Variants in MYO10 observed in about 807,000 individuals in gnomAD.
MYO10 encodes the protein myosin X.
In MYO10, 133 loss-of-function variants were observed where a neutral mutation model predicts 257.3. That is an observed-to-expected ratio of 0.52 (90% CI 0.45 to 0.60). The LOEUF (loss-of-function observed/expected upper bound fraction) is 0.60, where lower values mean the gene tolerates loss of function less well. Ranked by LOEUF, MYO10 falls within the 20% of genes least tolerant of loss-of-function variation. MYO10 has a pLI of 0.00. For missense variants in MYO10, 2,399 were observed against 2,635.7 expected, an observed-to-expected ratio of 0.91 and a Z score of 1.97; for synonymous variants, 1,104 against 1,028.6, an observed-to-expected ratio of 1.07 and a Z score of -1.40.
intron 2 of MYO10, among the ~76,000 whole-genome samples, chr5:16,869,186 G>C (rs901900417): frequency 1.4e-5 from 2 of 137,952 alleles, no homozygotes; most frequent in Admixed American, 7.8e-5. Flanking sequence ...CACCACACCC[G>C]GCTAATTTTT....
At chr5:16,788,206 A>AG (rs1741649116) in intron 4 of MYO10, among the ~76,000 whole-genome samples, 1 of 152,042 alleles carries the variant, frequency 6.6e-6, no homozygotes, top group East Asian at 1.9e-4. Flanking sequence ...ATGAAGTGAG[A>AG]GGCCCAAGAA....
In MYO10 at chr5:16,783,457, C is replaced by T; in HGVS notation, c.480G>A (p.Gly160=). 1.2e-6 allele frequency: 2 copies of T among 1,609,318 alleles called. No homozygotes were observed. Among genetic ancestry groups the T allele is most frequent in the Non-Finnish European group, 1.7e-6 (2 of 1,178,534 alleles). Residue 160 remains glycine (G), a synonymous_variant, in exon 5 of 41, where the codon GGG becomes GGA. Transcript: ENST00000513610. ...NQCILISGES[G]AGKTESTKLI... ...ATTTAGTGCTTTCGGTTTTACCTGC[C>T]CCACTTTCACCACTGAAAGACAAAA... is the stretch of plus-strand genomic sequence containing the variant.
intron 19 of MYO10, among the ~76,000 whole-genome samples, chr5:16,730,692 A>T (rs1392589362): frequency 3.3e-5 from 5 of 152,236 alleles, no homozygotes; most frequent in Non-Finnish European, 7.3e-5. Flanking sequence ...ACAGAGACCC[A>T]GGTTCCCTGG....
chr5:16,874,938 G>A lies in MYO10; in HGVS notation c.120+2671C>T, dbSNP rs765759814. Reference sequence around the variant, plus strand: ...GCTTGGGAGGCCTCAGAATCATGGCGGGAGGCAAAAGGAACTTCTTACGTG... The same window carrying A: ...GCTTGGGAGGCCTCAGAATCATGGCAGGAGGCAAAAGGAACTTCTTACGTG... On this transcript the variant is annotated intron_variant, in intron 2 of 40. Transcript: ENST00000513610. Among the ~76,000 whole-genome samples the A allele has an allele frequency of 9.9e-5, 15 of 152,262 alleles. 1 individual carries two copies. The highest frequency in any genetic ancestry group is 5.9e-4 in the Admixed American group (9 of 15,292).
intron 27 of MYO10, among the ~76,000 whole-genome samples, chr5:16,692,102 C>A (rs959543369): frequency 2.0e-5 from 3 of 152,154 alleles, no homozygotes; most frequent in African/African-American, 7.2e-5. Flanking sequence ...CCCAAACCAA[C>A]AAGAACACTA....
chr5:16,834,258 T>C (rs896113712), intron 2 of MYO10, among the ~76,000 whole-genome samples: 1 of 152,136 alleles, frequency 6.6e-6, no homozygotes, highest in Non-Finnish European at 1.5e-5. Flanking sequence ...TATTGTAACC[T>C]CGGTTTTCTT....
chr5:16,840,001 G>A (rs78022001), intron 2 of MYO10, among the ~76,000 whole-genome samples: 2 of 152,298 alleles, frequency 1.3e-5, no homozygotes, highest in East Asian at 3.9e-4. Flanking sequence ...GGAAGAAAGT[G>A]AGAGTCTAGA....
Position 16,694,166 on chromosome 5 carries a change from T to C in MYO10, c.3800+205A>G, listed in dbSNP as rs532832357. 7.2e-5 allele frequency among the ~76,000 whole-genome samples: 11 copies of C among 152,348 alleles called. No individual in the cohort carries two copies. In the East Asian group the frequency reaches 1.9e-3, roughly 27 times the overall value. ...GGCCATCTTCCAAATGACAGCCACA[T>C]GTCTGAGTGTAATCACAAAAAGCAA... On this transcript the variant is annotated intron_variant, in intron 27 of 40. Transcript: ENST00000513610.
chr5:16,706,328 G>A (rs1447335014), intron 21 of MYO10, among the ~76,000 whole-genome samples: 1 of 151,916 alleles, frequency 6.6e-6, no homozygotes, highest in Non-Finnish European at 1.5e-5. Context: ...CACACACTCT[G>A]TTGGTGCAGA....
At position 16,809,874 on chromosome 5, in the gene MYO10, C is replaced by T. The variant is rs145155704; in HGVS notation, c.279+8135G>A. On this transcript the variant is annotated intron_variant, in intron 3 of 40. Transcript: ENST00000513610. The stretch of plus-strand genomic sequence containing the variant: ...GCTTCCTCTGGAGCCAGCCTCAACA[C>T]CATAATTGCAGGCGACCGCTGAAGT... Among the ~76,000 whole-genome samples the T allele has an allele frequency of 1.9e-3, 296 of 152,238 alleles. 1 individual carries two copies. Among genetic ancestry groups the T allele is most frequent in the Admixed American group, 3.9e-3 (60 of 15,278 alleles).
intron 2 of MYO10, among the ~76,000 whole-genome samples, chr5:16,865,063 C>A (rs1482412412): frequency 1.3e-5 from 2 of 152,120 alleles, no homozygotes; most frequent in Admixed American, 1.3e-4. Flanking sequence ...AATTGAAGAG[C>A]TTCCCAGCTC....
intron 19 of MYO10, among the ~76,000 whole-genome samples, chr5:16,726,779 A>C (rs1390169037): frequency 6.6e-6 from 1 of 152,224 alleles, no homozygotes; most frequent in African/African-American, 2.4e-5. Context: ...ACTTCTGAGC[A>C]TTAAAACCCA....
At chr5:16,924,893 C>T (rs1458868199) in intron 1 of MYO10, among the ~76,000 whole-genome samples, 2 of 148,000 alleles carry the variant, frequency 1.4e-5, no homozygotes, top group East Asian at 2.0e-4. Flanking sequence ...TGCAGTGGCA[C>T]GATCTCTGCT....
At chr5:16,699,164 T>G (rs1737907273) in intron 26 of MYO10, among the ~76,000 whole-genome samples, 1 of 152,058 alleles carries the variant, frequency 6.6e-6, no homozygotes, top group East Asian at 1.9e-4. Flanking sequence ...AGGCAGTGGT[T>G]GCAAATGCTT....
intron 21 of MYO10, among the ~76,000 whole-genome samples, chr5:16,707,728 T>C (rs17501392): frequency 0.11 from 17,374 of 152,120 alleles, 1,199 homozygotes; most frequent in South Asian, 0.33. Flanking sequence ...ACGCAGCTGT[T>C]CAGCAGGGAA....
intron 33 of MYO10, among the ~76,000 whole-genome samples, chr5:16,678,168 T>C (rs1248476428): frequency 6.6e-6 from 1 of 152,222 alleles, no homozygotes; most frequent in Non-Finnish European, 1.5e-5. Context: ...ATAGTTTTAC[T>C]CCTTTCAGAA....
intron 2 of MYO10, among the ~76,000 whole-genome samples, chr5:16,857,785 T>A (rs966664040): frequency 6.6e-6 from 1 of 152,242 alleles, no homozygotes; most frequent in South Asian, 2.1e-4. Context: ...AGACTCATCC[T>A]GGCTGGTCGC....
At chr5:16,732,477 T>C (rs1418728374) in intron 19 of MYO10, among the ~76,000 whole-genome samples, 1 of 152,224 alleles carries the variant, frequency 6.6e-6, no homozygotes, top group East Asian at 1.9e-4. Flanking sequence ...GTTCTATTTC[T>C]ACTTCTCTGT....
intron 19 of MYO10, among the ~76,000 whole-genome samples, chr5:16,747,936 A>G (rs866662418): frequency 9.0e-5 from 11 of 122,308 alleles, no homozygotes; most frequent in African/African-American, 4.3e-4. Flanking sequence ...AAAAAAAAAA[A>G]AAAAAAAAAA....
Sources: gnomAD v4.1 joint callset for allele counts (sites outside exome capture counted in the v4.1 genomes callset) on GRCh38, gnomAD v4.1.1 for gene constraint, MANE v1.5 for transcripts, NCBI Gene and HGNC (gene_info 2026-07-23, HGNC 2026-07-21) for gene names.